Variants in DVL3 observed in about 807,000 individuals in gnomAD.
The protein encoded by DVL3 is segment polarity protein dishevelled homolog DVL-3.
A neutral mutation model predicts 67.4 loss-of-function variants in DVL3; 27 were observed. That is an observed-to-expected ratio of 0.40 (90% CI 0.30 to 0.55). The LOEUF (loss-of-function observed/expected upper bound fraction) is 0.55, where lower values mean the gene tolerates loss of function less well. Among genes scored for constraint, DVL3 ranks in the 20% least tolerant of loss-of-function variants. DVL3 has a pLI of 0.46. For missense variants in DVL3, 819 were observed against 1,021.5 expected (o/e 0.80, Z 2.70); for synonymous variants, 369 against 396.8 (o/e 0.93, Z 0.83).
rs1404397045 is a variant in DVL3 at position 184,170,136 on chromosome 3, C to G, written c.1629C>G (p.Pro543=). 1 of 1,611,714 alleles carries G rather than the reference C, an allele frequency of 6.2e-7. No homozygotes were observed. Among genetic ancestry groups the G allele is most frequent in the Non-Finnish European group, 8.5e-7 (1 of 1,179,964 alleles). The change falls in exon 14 of 15, where the codon CCC becomes CCG. Residue 543 remains proline, a synonymous_variant. Transcript: ENST00000313143. This position sits in a 1 kb window ranked among gnomAD's most constrained non-coding sequence, Gnocchi z 6.5. ...CTTTCCCGTACCAGTACCCGCCACC[C>G]CCGCACCCATACAACCCGCACCCGG... is the stretch of plus-strand genomic sequence containing the variant. ...PMAFPYQYPP[P]PHPYNPHPGF... is the part of the protein sequence containing the mutation.
chr3:184,156,049 G>C (rs1011666353), intron 1 of DVL3, among the ~76,000 whole-genome samples: 1 of 152,112 alleles, frequency 6.6e-6, no homozygotes, highest in African/African-American at 2.4e-5. Context: ...GTTCCTGCCG[G>C]TGCGGTCCCC....
chr3:184,166,895 C>T lies in DVL3; in HGVS notation c.1118C>T (p.Pro373Leu). ...ACTGCAGCCATGACCGGCACCTTCC[C>T]TGCATACGGCATGAGCCCCTCCCTG... ...SHTAAMTGTF[P>L]AYGMSPSLST... The change falls in exon 11 of 15, where the codon CCT (proline) becomes CTT (leucine). Residue 373 changes from proline to leucine, a missense_variant. Around this residue, in one of 3 missense-constraint regions of DVL3, gnomAD observed 110 missense variants for 203.4 expected, o/e 0.54. Coordinates refer to ENST00000313143, the MANE Select transcript of DVL3 (RefSeq NM_004423.4). This position sits in a 1 kb window ranked among gnomAD's most constrained non-coding sequence, Gnocchi z 6.7. 1 of 1,614,164 alleles carries T rather than the reference C, an allele frequency of 6.2e-7. No individual in the cohort carries two copies. The highest frequency in any genetic ancestry group is 1.7e-5 in the Admixed American group (1 of 60,018).
chr3:184,170,311 T>A lies in DVL3; in HGVS notation c.1715-8T>A. The A allele has an allele frequency of 6.3e-7, 1 of 1,596,100 alleles. No homozygotes were observed. Among genetic ancestry groups the A allele is most frequent in the Non-Finnish European group, 8.5e-7 (1 of 1,171,158 alleles). ...CTGCCCCACCCCGGCCCTGTTTGCC[T>A]CCTACAGGCAGTCGGAGCAGTGGCT... On this transcript the variant is annotated splice_polypyrimidine_tract_variant and splice_region_variant and intron_variant, in intron 14 of 14. Transcript: ENST00000313143. This position sits in a 1 kb window ranked among gnomAD's most constrained non-coding sequence, Gnocchi z 6.5.
intron 13 of DVL3, among the ~76,000 whole-genome samples, chr3:184,168,763 G>A (rs114600059): frequency 2.6e-5 from 4 of 152,338 alleles, no homozygotes; most frequent in African/African-American, 4.8e-5. Context: ...ACCTGGTACC[G>A]ATAGTGTGTG....
In DVL3 at chr3:184,165,068, G is replaced by T; in HGVS notation, c.600-45G>T. On this transcript the variant is annotated intron_variant, in intron 5 of 14. Coordinates refer to ENST00000313143, the MANE Select transcript of DVL3 (RefSeq NM_004423.4). The surrounding 1 kb of genome is among the most constrained non-coding windows in gnomAD (Gnocchi z 4.1). Reference sequence around the variant, plus strand: ...CCCTGCAGTGCCTCCCCTCATGGGGGCAGGGCTGGGCCAGCCTGGTGGGGA... The same window carrying T: ...CCCTGCAGTGCCTCCCCTCATGGGGTCAGGGCTGGGCCAGCCTGGTGGGGA... The T allele has an allele frequency of 6.2e-7, 1 of 1,612,584 alleles. No homozygotes were observed. The highest frequency in any genetic ancestry group is 1.1e-5 in the South Asian group (1 of 90,890).
chr3:184,170,629 C>T lies in DVL3; in HGVS notation c.2025C>T (p.Ala675=), dbSNP rs780133018. The T allele has an allele frequency of 8.1e-6, 13 of 1,609,718 alleles. No homozygotes were observed. In the South Asian group the frequency reaches 1.1e-4, roughly 14 times the overall value. The change falls in exon 15 of 15, where the codon GCC becomes GCT. Residue 675 remains alanine, a synonymous_variant. Transcript: ENST00000313143. The surrounding 1 kb of genome is among the most constrained non-coding windows in gnomAD (Gnocchi z 6.5). ...TGATGATGCCCCCGCCGCCCGCGGC[C>T]ATGGGGCCCCCAGGAGCCCCTCCGG... ...PMLMMPPPPA[A]MGPPGAPPGR...
At chr3:184,157,925 A>G (rs1286632744) in intron 1 of DVL3, among the ~76,000 whole-genome samples, 2 of 152,246 alleles carry the variant, frequency 1.3e-5, no homozygotes, top group Non-Finnish European at 2.9e-5. Context: ...TTTATTTAAC[A>G]CACGCCTTTT....
chr3:184,163,344 T>C lies in DVL3; in HGVS notation c.162-313T>C, dbSNP rs533869567. On this transcript the variant is annotated intron_variant, in intron 1 of 14. Transcript: ENST00000313143. This position sits in a 1 kb window ranked among gnomAD's most constrained non-coding sequence, Gnocchi z 4.5. ...GAAAGTCTAGCCCAGGAGAGTCATG[T>C]TGGGGATGGGTAGAGCACTTTAGAG... is the stretch of plus-strand genomic sequence containing the variant. 2.6e-5 allele frequency among the ~76,000 whole-genome samples: 4 copies of C among 152,292 alleles called. No homozygotes were observed. Among genetic ancestry groups the C allele is most frequent in the Non-Finnish European group, 2.9e-5 (2 of 68,012 alleles).
In DVL3 at chr3:184,164,527, A is replaced by C. The variant is rs1379245216; in HGVS notation, c.389A>C (p.Asp130Ala). The change falls in exon 4 of 15, where the codon GAC becomes GCC. Residue 130 changes from aspartate to alanine, a missense_variant. Asp to Ala is a moderately radical substitution (Grantham distance 126). Coordinates refer to ENST00000313143, the MANE Select transcript of DVL3 (RefSeq NM_004423.4). This position sits in a 1 kb window ranked among gnomAD's most constrained non-coding sequence, Gnocchi z 5.3. ...GGTGGGGGCAGCCAGGAGAACCTGG[A>C]CAATGACACAGAGACGGACTCTTTG... The part of the protein sequence containing the change: ...HAGGGSQENL[D>A]NDTETDSLVS... 2 of 1,590,280 alleles carry C rather than the reference A, an allele frequency of 1.3e-6. No homozygotes were observed. Among genetic ancestry groups the C allele is most frequent in the Non-Finnish European group, 1.7e-6 (2 of 1,168,720 alleles).
chr3:184,166,739 T>A lies in DVL3; in HGVS notation c.1048+66T>A. The A allele has an allele frequency of 4.3e-6, 7 of 1,612,526 alleles. No homozygotes were observed. The highest frequency in any genetic ancestry group is 5.9e-6 in the Non-Finnish European group (7 of 1,179,148). ...ATACATGAGCACTGTCTCTCCTTTC[T>A]TCTCTCACCCAGAACCCCCATATCT... On this transcript the variant is annotated intron_variant, in intron 10 of 14. Coordinates refer to ENST00000313143, the MANE Select transcript of DVL3 (RefSeq NM_004423.4). The surrounding 1 kb of genome is among the most constrained non-coding windows in gnomAD (Gnocchi z 6.7).
rs780928848 is a variant in DVL3, at chr3:184,170,522, C to G, written c.1918C>G (p.Leu640Val). 1.6e-5 allele frequency: 25 copies of G among 1,609,430 alleles called. No homozygotes were observed. Among genetic ancestry groups the G allele is most frequent in the Admixed American group, 1.0e-4 (6 of 59,556 alleles). The change falls in exon 15 of 15, where the codon CTG becomes GTG. Residue 640 changes from leucine (L) to valine (V), a missense_variant. Around this residue, in one of 3 missense-constraint regions of DVL3, gnomAD observed 324 missense variants for 331.3 expected, o/e 0.98. Transcript: ENST00000313143. This position sits in a 1 kb window ranked among gnomAD's most constrained non-coding sequence, Gnocchi z 6.5. ...SEHSHRSHHSLASSLRSHHTH... is the reference protein window; with the variant it reads ...SEHSHRSHHSVASSLRSHHTH... ...GCACAGCCACCGCAGCCACCATTCC[C>G]TGGCCAGCAGCCTTCGCAGCCACCA...
At position 184,165,057 on chromosome 3, in the gene DVL3, C is replaced by A; in HGVS notation, c.600-56C>A. The A allele has an allele frequency of 6.2e-7, 1 of 1,610,464 alleles. No individual in the cohort carries two copies. On this transcript the variant is annotated intron_variant, in intron 5 of 14. Transcript: ENST00000313143. The surrounding 1 kb of genome is among the most constrained non-coding windows in gnomAD (Gnocchi z 4.1). Reference sequence around the variant, plus strand: ...GGGGACCCAGGCCCTGCAGTGCCTCCCCTCATGGGGGCAGGGCTGGGCCAG... The same window carrying A: ...GGGGACCCAGGCCCTGCAGTGCCTCACCTCATGGGGGCAGGGCTGGGCCAG...
At position 184,166,893 on chromosome 3, in the gene DVL3, C is replaced by G; in HGVS notation, c.1116C>G (p.Phe372Leu). ...ACACTGCAGCCATGACCGGCACCTT[C>G]CCTGCATACGGCATGAGCCCCTCCC... ...VSHTAAMTGT[F>L]PAYGMSPSLS... is the part of the protein sequence containing the mutation. Residue 372 changes from phenylalanine to leucine, a missense_variant, in exon 11 of 15, where the codon TTC becomes TTG. By Grantham distance (22) the Phe-to-Leu change is conservative. Transcript: ENST00000313143. The surrounding 1 kb of genome is among the most constrained non-coding windows in gnomAD (Gnocchi z 6.7). 6.2e-7 allele frequency: 1 copy of G among 1,614,174 alleles called. No homozygotes were observed. Among genetic ancestry groups the G allele is most frequent in the South Asian group, 1.1e-5 (1 of 91,082 alleles).
chr3:184,158,812 G>A (rs1183977053), intron 1 of DVL3, among the ~76,000 whole-genome samples: 1 of 137,118 alleles, frequency 7.3e-6, no homozygotes, highest in Non-Finnish European at 1.5e-5. Flanking sequence ...TTTTGCTCTC[G>A]TCACCCAGGC....
Position 184,167,544 on chromosome 3 carries a change from C to G in DVL3, c.1199-36C>G, listed in dbSNP as rs1714640677. The G allele has an allele frequency of 6.2e-7, 1 of 1,602,916 alleles. No individual in the cohort carries two copies. The highest frequency in any genetic ancestry group is 1.1e-5 in the South Asian group (1 of 90,706). On this transcript the variant is annotated intron_variant, in intron 11 of 14. Transcript: ENST00000313143. The surrounding 1 kb of genome is among the most constrained non-coding windows in gnomAD (Gnocchi z 4.6). ...ACTCTTGTTTACCTAACTCCAAAGC[C>G]CCTTTCTGCCTCACCATTCTGCCTC...
intron 1 of DVL3, among the ~76,000 whole-genome samples, chr3:184,161,119 G>A (rs969633331): frequency 3.9e-5 from 6 of 152,272 alleles, no homozygotes; most frequent in African/African-American, 1.4e-4. Flanking sequence ...CCAGCTCTGG[G>A]CAGAAGCTGC....
intron 1 of DVL3, among the ~76,000 whole-genome samples, chr3:184,161,029 G>C (rs983538506): frequency 1.3e-5 from 2 of 152,238 alleles, no homozygotes; most frequent in African/African-American, 4.8e-5. Context: ...AGCTGGATGG[G>C]AGTGGGGAGG....
In DVL3 at chr3:184,166,049, CCT is replaced by C. The variant is rs1714571408; in HGVS notation, c.764-76_764-75del. 1 of 1,550,998 alleles carries C rather than the reference CCT, an allele frequency of 6.4e-7. No homozygotes were observed. The highest frequency in any genetic ancestry group is 8.8e-7 in the Non-Finnish European group (1 of 1,141,808). The stretch of plus-strand genomic sequence containing the variant: ...AGCAAATGTCAGTTCAGTTCCTGTC[CCT>C]TTCCATTTTCTAATGGGCTGGGAAT... On this transcript the variant is annotated intron_variant, in intron 7 of 14. Coordinates refer to ENST00000313143, the MANE Select transcript of DVL3 (RefSeq NM_004423.4). The surrounding 1 kb of genome is among the most constrained non-coding windows in gnomAD (Gnocchi z 6.7).
rs560211252 is a variant in DVL3, at chr3:184,172,023, G to T, written c.*1268G>T. ...CCCTTCCTGGTAGACCTTAAACCTC[G>T]CACACATGTCCCCAGCATTTTCTCA... On this transcript the variant is annotated 3_prime_UTR_variant, in exon 15 of 15. Transcript: ENST00000313143. The T allele has an allele frequency of 6.5e-6, 1 of 152,878 alleles. No individual in the cohort carries two copies. The highest frequency in any genetic ancestry group is 2.4e-5 in the African/African-American group (1 of 41,568). The allele number at this position is 152,878 out of a possible 1,614,324, so 9.5% of individuals were successfully genotyped here.
Sources: gnomAD v4.1 joint callset for allele counts (sites outside exome capture counted in the v4.1 genomes callset) on GRCh38, gnomAD v4.1.1 for gene constraint, gnomAD v4.1.1 regional missense constraint, Gnocchi (gnomAD v3.1) non-coding constraint, MANE v1.5 for transcripts, NCBI Gene and HGNC (gene_info 2026-07-23, HGNC 2026-07-21) for gene names.